SLC17A8: variants seen among roughly 807,000 people sequenced by gnomAD.
The protein encoded by SLC17A8 is solute carrier family 17 member 8.
In SLC17A8, 31 loss-of-function variants were observed where a neutral mutation model predicts 58.0. The ratio of observed to expected loss-of-function variants is 0.53; its 90% CI spans 0.40 to 0.72. The LOEUF (loss-of-function observed/expected upper bound fraction) is 0.72. Ranked by LOEUF, SLC17A8 falls within the 30% of genes least tolerant of loss-of-function variation. The pLI, the probability that SLC17A8 is intolerant of heterozygous loss-of-function variation, is 0.00. For missense variants in SLC17A8, 655 were observed against 727.8 expected (o/e 0.90, Z 1.15); for synonymous variants, 228 against 249.0 (o/e 0.92, Z 0.79).
At chr12:100,419,657 C>T (rs1002580722) in intron 11 of SLC17A8, among the ~76,000 whole-genome samples, 158 bp from the exon 12 acceptor site, 5 of 151,998 alleles carry the variant, frequency 3.3e-5, no homozygotes, top group South Asian at 2.1e-4. Flanking sequence ...GTTTGAATCC[C>T]GGATGGTGCT....
chr12:100,390,081 A>G (rs1360102570), intron 2 of SLC17A8, among the ~76,000 whole-genome samples: 2 of 152,024 alleles, frequency 1.3e-5, no homozygotes, highest in East Asian at 3.9e-4. Context: ...TCTATCTCCC[A>G]AAGTGCTGGG....
chr12:100,370,089 C>A (rs927921156), intron 1 of SLC17A8, among the ~76,000 whole-genome samples: 1 of 151,898 alleles, frequency 6.6e-6, no homozygotes, highest in Non-Finnish European at 1.5e-5. Context: ...GAGCTATCTC[C>A]TGATATTTAT....
chr12:100,359,622 G>C (rs1305935596), intron 1 of SLC17A8, among the ~76,000 whole-genome samples: 1 of 152,100 alleles, frequency 6.6e-6, no homozygotes, highest in Non-Finnish European at 1.5e-5. Context: ...TTTTTTCAGT[G>C]ATCTATAGAG....
intron 2 of SLC17A8, among the ~76,000 whole-genome samples, chr12:100,389,199 T>A (rs117270263): frequency 0.03 from 4,600 of 152,276 alleles, 99 homozygotes; most frequent in Non-Finnish European, 0.05. Flanking sequence ...TTGTGGAAGG[T>A]TGTGTTGTTG....
chr12:100,405,123 C>T (rs1248111316), intron 9 of SLC17A8, among the ~76,000 whole-genome samples: 4 of 152,240 alleles, frequency 2.6e-5, no homozygotes, highest in African/African-American at 4.8e-5. Context: ...CATAGCATTT[C>T]GGGAAGAAAG....
At chr12:100,392,198 G>T (rs192223305) in intron 3 of SLC17A8, among the ~76,000 whole-genome samples, 3,593 of 148,496 alleles carry the variant, frequency 0.024, 42 homozygotes, top group Non-Finnish European at 0.029. Flanking sequence ...TTAAAAAGTG[G>T]TTTTTTTTTT....
At chr12:100,410,057 A>T (rs1347340963) in intron 9 of SLC17A8, among the ~76,000 whole-genome samples, 3 of 152,200 alleles carry the variant, frequency 2.0e-5, no homozygotes, top group African/African-American at 7.2e-5. Context: ...AGTTGGGAAG[A>T]CTACCAAAGT....
intron 10 of SLC17A8, among the ~76,000 whole-genome samples, 186 bp from the exon 11 acceptor site, chr12:100,417,843 G>C (rs1952917162): frequency 6.6e-6 from 1 of 152,176 alleles, no homozygotes; most frequent in South Asian, 2.1e-4. Context: ...ATCAATTCCA[G>C]CATTGTCTAC....
At chr12:100,410,494 CAA>C (rs35135035) in intron 9 of SLC17A8, 38,491 of 124,914 alleles carry the variant, frequency 0.31, 6,211 homozygotes, top group Middle Eastern at 0.4. Flanking sequence ...GACTCCATCT[CAA>C]AAAAAAAAAA....
intron 10 of SLC17A8, among the ~76,000 whole-genome samples, chr12:100,414,130 T>C (rs567522392): frequency 6.6e-6 from 1 of 152,322 alleles, no homozygotes; most frequent in Admixed American, 6.5e-5. Flanking sequence ...TCAGAAAAAT[T>C]TGATACTTTC....
At chr12:100,362,743 G>A (rs533487374) in intron 1 of SLC17A8, among the ~76,000 whole-genome samples, 2 of 152,222 alleles carry the variant, frequency 1.3e-5, no homozygotes, top group South Asian at 4.2e-4. Flanking sequence ...AATTCCTGAG[G>A]AGCCTTCCAA....
intron 2 of SLC17A8, among the ~76,000 whole-genome samples, chr12:100,382,460 C>G (rs1228418206): frequency 6.6e-6 from 1 of 152,214 alleles, no homozygotes; most frequent in African/African-American, 2.4e-5. Flanking sequence ...ACAAAAATGT[C>G]TGCCCAGTGG....
intron 1 of SLC17A8, among the ~76,000 whole-genome samples, chr12:100,366,844 G>C (rs1952523818): frequency 6.6e-6 from 1 of 152,206 alleles, no homozygotes; most frequent in Non-Finnish European, 1.5e-5. Context: ...CATGTTCTGT[G>C]AGTCATCTCT....
At chr12:100,404,530 ACAC>A (rs1477759347) in intron 9 of SLC17A8, 2 of 220,506 alleles carry the variant, frequency 9.1e-6, no homozygotes, top group African/African-American at 4.5e-5. Context: ...ACACACACAC[ACAC>A]CATTCTCTTT....
At chr12:100,415,810 T>C (rs1952902457) in intron 10 of SLC17A8, among the ~76,000 whole-genome samples, 1 of 152,190 alleles carries the variant, frequency 6.6e-6, no homozygotes, top group Non-Finnish European at 1.5e-5. Context: ...TTCACTTTAT[T>C]GGTGGGGAAA....
At chr12:100,390,759 C>G (rs937609134) in intron 2 of SLC17A8, among the ~76,000 whole-genome samples, 3 of 152,000 alleles carry the variant, frequency 2.0e-5, no homozygotes, top group African/African-American at 7.2e-5. Context: ...GAGGCTCAAG[C>G]CAGGCTGAGG....
chr12:100,411,664 T>C (rs989133774), intron 9 of SLC17A8, among the ~76,000 whole-genome samples: 15 of 152,140 alleles, frequency 9.9e-5, no homozygotes, highest in African/African-American at 3.6e-4. Context: ...TTGGAAATGA[T>C]ATTTATATCA....
chr12:100,409,391 G>A (rs1001932385), intron 9 of SLC17A8, among the ~76,000 whole-genome samples: 1 of 152,064 alleles, frequency 6.6e-6, no homozygotes, highest in African/African-American at 2.4e-5. Context: ...TTGCCATGTT[G>A]CCCAGGCTGG....
At chr12:100,404,597 A>G (rs766965382) in intron 9 of SLC17A8, among the ~76,000 whole-genome samples, 1 of 151,970 alleles carries the variant, frequency 6.6e-6, no homozygotes, top group Non-Finnish European at 1.5e-5. Flanking sequence ...GACAAAGTGA[A>G]TGTTAGGTGA....
Sources: gnomAD v4.1 joint callset for allele counts (sites outside exome capture counted in the v4.1 genomes callset) on GRCh38, gnomAD v4.1.1 for gene constraint, MANE v1.5 for transcripts, NCBI Gene and HGNC (gene_info 2026-07-23, HGNC 2026-07-21) for gene names.